Variants in MYZAP observed in about 807,000 individuals in gnomAD.
MYZAP encodes the protein myocardial zonula adherens protein.
A neutral mutation model predicts 69.4 loss-of-function variants in MYZAP; 66 were observed. That is an observed-to-expected ratio of 0.95 (90% CI 0.78 to 1.17). MYZAP has a LOEUF of 1.17. MYZAP is among the 50% of genes most tolerant of loss of function. MYZAP has a pLI of 0.00. For missense variants in MYZAP, 611 were observed against 556.2 expected (o/e 1.10, Z -0.99); for synonymous variants, 256 against 205.9 (o/e 1.24, Z -2.09).
At chr15:57,593,234 G>A (rs1289608557) in intron 1 of MYZAP, among the ~76,000 whole-genome samples, 1 of 114,720 alleles carries the variant, frequency 8.7e-6, no homozygotes, top group African/African-American at 3.4e-5. Context: ...CCATCAGTTG[G>A]CTCATGCCCA....
At position 57,662,754 on chromosome 15, in the gene MYZAP, A is replaced by G. The variant is rs368160445; in HGVS notation, c.1203+1221A>G. Reference sequence around the variant, plus strand: ...TATTAAGAAGTCTGCCCAAGGTTACAGTAGAGATGGGTAAGCCTGGATCCA... The same window carrying G: ...TATTAAGAAGTCTGCCCAAGGTTACGGTAGAGATGGGTAAGCCTGGATCCA... On this transcript the variant is annotated intron_variant, in intron 11 of 12. Coordinates refer to ENST00000267853, the MANE Select transcript of MYZAP (RefSeq NM_001018100.5). Among the ~76,000 whole-genome samples the G allele has an allele frequency of 5.3e-5, 8 of 152,316 alleles. No homozygotes were observed. In the South Asian group the frequency reaches 8.3e-4, roughly 16 times the overall value.
intron 7 of MYZAP, 42 bp downstream of exon 7, chr15:57,632,601 G>A: frequency 2.5e-6 from 4 of 1,610,696 alleles, no homozygotes; most frequent in South Asian, 2.2e-5. Context: ...ACCGGGAATT[G>A]TTGGTTCATT....
chr15:57,671,457 T>C (rs1039767957), intron 11 of MYZAP, among the ~76,000 whole-genome samples: 2 of 152,268 alleles, frequency 1.3e-5, no homozygotes, highest in Non-Finnish European at 2.9e-5. Context: ...TCAGCTATTA[T>C]GTTTTACAGT....
At chr15:57,680,866 C>T (rs868750347) in intron 12 of MYZAP, 4 of 152,174 alleles carry the variant, frequency 2.6e-5, no homozygotes, top group Admixed American at 2.0e-4. Context: ...TTTGTCAAAG[C>T]TTTATTTGCT....
chr15:57,655,871 G>A (rs1489589557), intron 10 of MYZAP, among the ~76,000 whole-genome samples: 1 of 152,178 alleles, frequency 6.6e-6, no homozygotes, highest in Non-Finnish European at 1.5e-5. Context: ...CTACTGTTTT[G>A]TATTTAAATT....
chr15:57,663,716 G>T lies in MYZAP; in HGVS notation c.1203+2183G>T, dbSNP rs533499651. On this transcript the variant is annotated intron_variant, in intron 11 of 12. Coordinates refer to ENST00000267853, the MANE Select transcript of MYZAP (RefSeq NM_001018100.5). ...TGGTCAAAGGAAGCCCCCAGATGAA[G>T]AATCACCAGTGGCCTGTTAGGAAAC... Among the ~76,000 whole-genome samples the T allele has an allele frequency of 7.2e-5, 11 of 152,312 alleles. No individual in the cohort carries two copies. In the South Asian group the frequency reaches 2.3e-3, roughly 32 times the overall value.
At chr15:57,650,421 C>T (rs2037671043) in intron 10 of MYZAP, among the ~76,000 whole-genome samples, 1 of 152,134 alleles carries the variant, frequency 6.6e-6, no homozygotes, top group African/African-American at 2.4e-5. Context: ...TTCTGGCTGA[C>T]ATTTAAACTC....
At chr15:57,675,917 A>G (rs1282472240) in intron 12 of MYZAP, among the ~76,000 whole-genome samples, 1 of 152,098 alleles carries the variant, frequency 6.6e-6, no homozygotes, top group Non-Finnish European at 1.5e-5. Flanking sequence ...AGGAGGGTGG[A>G]TTCTTGTGTG....
chr15:57,629,937 T>C, intron 6 of MYZAP, 83 bp downstream of exon 6: 2 of 1,498,594 alleles, frequency 1.3e-6, no homozygotes, highest in South Asian at 2.6e-5. Context: ...CTTCAACCTT[T>C]CCATTTCCTT....
chr15:57,636,816 A>G (rs1359883351), intron 8 of MYZAP, among the ~76,000 whole-genome samples: 5 of 152,228 alleles, frequency 3.3e-5, no homozygotes, highest in Admixed American at 1.3e-4. Context: ...TAGTGCGCGT[A>G]TGTTTCCTAT....
In MYZAP at chr15:57,684,717, G is replaced by C. The variant is rs148995672; in HGVS notation, c.*219G>C. ...AAGGTCACATTTCAGACACCCACTC[G>C]GCATACCCTGCCGTACTGCATCATC... On this transcript the variant is annotated 3_prime_UTR_variant, in exon 13 of 13. Coordinates refer to ENST00000267853, the MANE Select transcript of MYZAP (RefSeq NM_001018100.5). The C allele has an allele frequency of 9.1e-6, 4 of 440,474 alleles. No individual in the cohort carries two copies. In the Admixed American group the frequency reaches 1.6e-4, roughly 18 times the overall value. The allele number at this position is 440,474 out of a possible 1,614,324, so 27.3% of individuals were successfully genotyped here. A position where few individuals can be genotyped will look rare whatever the true frequency, so the allele number is the denominator to read the frequency against.
intron 5 of MYZAP, among the ~76,000 whole-genome samples, chr15:57,626,334 A>G (rs1334128168): frequency 6.6e-6 from 1 of 152,238 alleles, no homozygotes; most frequent in African/African-American, 2.4e-5. Context: ...CTTTTTTATA[A>G]TTAGAAATTA....
rs148974700 is a variant in MYZAP, at chr15:57,674,548, G to T, written c.1204-420G>T. On this transcript the variant is annotated intron_variant, in intron 11 of 12. Coordinates refer to ENST00000267853, the MANE Select transcript of MYZAP (RefSeq NM_001018100.5). ...GTACCTTATTTATAATGGCAAAAAC[G>T]TGATAAATATCTAAATGCCCATCAA... Among the ~76,000 whole-genome samples the T allele has an allele frequency of 4.2e-3, 638 of 152,204 alleles. 21 individuals are homozygous for T. Among genetic ancestry groups the T allele is most frequent in the Middle Eastern group, 0.024 (7 of 294 alleles).
At chr15:57,654,046 GGTT>G (rs2037874036) in intron 10 of MYZAP, among the ~76,000 whole-genome samples, 1 of 1,616 alleles carries the variant, frequency 6.2e-4, no homozygotes, top group Admixed American at 0.01. Flanking sequence ...CCTATTTAGA[GGTT>G]AGAGGTTAGT....
intron 8 of MYZAP, among the ~76,000 whole-genome samples, chr15:57,636,243 G>A (rs1957446652): frequency 1.3e-5 from 2 of 152,030 alleles, no homozygotes; most frequent in Admixed American, 6.6e-5. Flanking sequence ...CAGGAGGAAT[G>A]TTCTGCTCAG....
intron 12 of MYZAP, among the ~76,000 whole-genome samples, chr15:57,675,557 A>G (rs1418879039): frequency 6.6e-6 from 1 of 152,214 alleles, no homozygotes; most frequent in Non-Finnish European, 1.5e-5. Context: ...TCTGTTCCTC[A>G]GTACTGTAAC....
chr15:57,667,433 A>G (rs567849253), intron 11 of MYZAP, among the ~76,000 whole-genome samples: 7 of 152,342 alleles, frequency 4.6e-5, no homozygotes, highest in African/African-American at 1.4e-4. Flanking sequence ...TATTCGTTAC[A>G]CATATAAACA....
intron 10 of MYZAP, among the ~76,000 whole-genome samples, chr15:57,642,158 A>G (rs2140475099): frequency 6.6e-6 from 1 of 152,338 alleles, no homozygotes; most frequent in South Asian, 2.1e-4. Flanking sequence ...TTGATTTAGA[A>G]GTTCTCTAGT....
intron 2 of MYZAP, among the ~76,000 whole-genome samples, chr15:57,605,704 G>A (rs1343388702): frequency 6.6e-6 from 1 of 152,178 alleles, no homozygotes; most frequent in Non-Finnish European, 1.5e-5. Context: ...CCTAAAAAGA[G>A]TGGATGAGTT....
Sources: gnomAD v4.1 joint callset for allele counts (sites outside exome capture counted in the v4.1 genomes callset) on GRCh38, gnomAD v4.1.1 for gene constraint, MANE v1.5 for transcripts, NCBI Gene and HGNC (gene_info 2026-07-23, HGNC 2026-07-21) for gene names.